STK4: variants seen among roughly 807,000 people sequenced by gnomAD.
The protein encoded by STK4 is serine/threonine kinase 4.
STK4 carries 30 observed loss-of-function variants against 64.9 expected under a neutral mutation model. That is an observed-to-expected ratio of 0.46 (90% CI 0.35 to 0.63). The LOEUF (loss-of-function observed/expected upper bound fraction) is 0.63. STK4 is among the 20% of genes least tolerant of loss of function. The pLI is 0.01. For missense variants in STK4, 466 were observed against 598.5 expected (o/e 0.78, Z 2.31); for synonymous variants, 177 against 199.0 (o/e 0.89, Z 0.93).
intron 4 of STK4, among the ~76,000 whole-genome samples, chr20:44,986,514 T>G (rs2067532785): frequency 6.9e-6 from 1 of 144,834 alleles, no homozygotes; most frequent in Non-Finnish European, 1.5e-5. Flanking sequence ...AGGACTGACT[T>G]TTATTTTAAG....
intron 5 of STK4, among the ~76,000 whole-genome samples, chr20:44,993,033 T>C (rs1329351423): frequency 6.6e-6 from 1 of 152,166 alleles, no homozygotes; most frequent in Non-Finnish European, 1.5e-5. Flanking sequence ...TTGGGCTTTG[T>C]TTTTTATGTT....
At chr20:45,018,560 G>A (rs1000481253) in intron 9 of STK4, among the ~76,000 whole-genome samples, 2 of 152,018 alleles carry the variant, frequency 1.3e-5, no homozygotes, top group Non-Finnish European at 1.5e-5. Flanking sequence ...TTAAGGAAAG[G>A]TGTCTTGCTG....
intron 6 of STK4, 123 bp from the exon 7 acceptor site, chr20:44,997,046 G>C: frequency 2.9e-6 from 4 of 1,386,348 alleles, no homozygotes; most frequent in Non-Finnish European, 4.0e-6. Flanking sequence ...ATTTGGGTGA[G>C]CTTCTCAGTG....
rs1980489804 is a variant in STK4, at chr20:45,076,061, C to T, written c.*885C>T. 6.5e-6 allele frequency: 1 copy of T among 152,686 alleles called. No individual in the cohort carries two copies. The highest frequency in any genetic ancestry group is 1.5e-5 in the Non-Finnish European group (1 of 68,058). The allele number at this position is 152,686 out of a possible 1,614,324, so 9.5% of individuals were successfully genotyped here. On this transcript the variant is annotated 3_prime_UTR_variant, in exon 11 of 11. Transcript: ENST00000372806. This position sits in a 1 kb window ranked among gnomAD's most constrained non-coding sequence, Gnocchi z 4.0. ...ACAAAGGAAAAGCGTTTTTGAAGCTCTCATTGTTCATGTAAAAATCATACA... is the reference window on the plus strand; with the variant it reads ...ACAAAGGAAAAGCGTTTTTGAAGCTTTCATTGTTCATGTAAAAATCATACA...
chr20:44,983,327 G>A (rs571263164), intron 4 of STK4, among the ~76,000 whole-genome samples: 8 of 152,216 alleles, frequency 5.3e-5, no homozygotes, highest in South Asian at 2.1e-4. Context: ...CTGGGGCTGG[G>A]TGTGGTACCT....
chr20:45,003,098 C>G (rs2145701427), intron 9 of STK4, among the ~76,000 whole-genome samples: 1 of 152,182 alleles, frequency 6.6e-6, no homozygotes, highest in Non-Finnish European at 1.5e-5. Flanking sequence ...ACCTTGATCT[C>G]CTGGGCTCAA....
intron 5 of STK4, among the ~76,000 whole-genome samples, 155 bp downstream of exon 5, chr20:44,987,451 G>A (rs990899433): frequency 1.3e-5 from 2 of 152,076 alleles, no homozygotes; most frequent in African/African-American, 2.4e-5. Context: ...CTAGTTAGTG[G>A]GTTATTTTAG....
intron 4 of STK4, 35 bp downstream of exon 4, chr20:44,981,978 G>C (rs2067449144): frequency 7.0e-7 from 1 of 1,422,444 alleles, no homozygotes; most frequent in South Asian, 1.2e-5. Flanking sequence ...AACTGAGCTA[G>C]TTTCTTATGC....
chr20:45,074,964 G>A (rs1331126914), intron 10 of STK4, 54 bp from the exon 11 acceptor site: 55 of 1,608,654 alleles, frequency 3.4e-5, no homozygotes, highest in Non-Finnish European at 4.6e-5. Context: ...CTTCTGCACT[G>A]TTCTGCCACT....
At chr20:45,074,553 T>C (rs1231859928) in intron 10 of STK4, among the ~76,000 whole-genome samples, 5 of 151,866 alleles carry the variant, frequency 3.3e-5, no homozygotes, top group African/African-American at 1.2e-4. Context: ...CATCTGCGCC[T>C]CATCAGCATC....
chr20:44,987,981 AT>A lies in STK4; in HGVS notation c.525+695del, dbSNP rs1012519011. On this transcript the variant is annotated intron_variant, in intron 5 of 10. Coordinates refer to ENST00000372806, the MANE Select transcript of STK4 (RefSeq NM_006282.5). ...TGTTATGTACGGTTTTTTTTTTATTATTTTTTTTTTATTATAAGTCTGCCTG... is the reference window on the plus strand; with the variant it reads ...TGTTATGTACGGTTTTTTTTTTATTATTTTTTTTTATTATAAGTCTGCCTG... 5.8e-3 allele frequency among the ~76,000 whole-genome samples: 850 copies of A among 147,104 alleles called. 4 individuals are homozygous for A. Among genetic ancestry groups the A allele is most frequent in the African/African-American group, 0.019 (758 of 40,074 alleles).
intron 9 of STK4, among the ~76,000 whole-genome samples, chr20:45,014,465 A>G (rs1486919853): frequency 2.0e-5 from 3 of 152,174 alleles, no homozygotes; most frequent in Non-Finnish European, 4.4e-5. Context: ...GATTAATTTT[A>G]TACTTGATGT....
intron 2 of STK4, among the ~76,000 whole-genome samples, chr20:44,977,096 G>A (rs114342519): frequency 0.013 from 1,958 of 152,294 alleles, 41 homozygotes; most frequent in African/African-American, 0.044. Flanking sequence ...TATCTCCTGG[G>A]ACGAAGCACA....
chr20:45,025,282 G>A, intron 10 of STK4, 152 bp downstream of exon 10: 1 of 849,870 alleles, frequency 1.2e-6, no homozygotes, highest in East Asian at 3.1e-5. Context: ...TTTGACTGAT[G>A]TTTGGGCAGT....
intron 1 of STK4, among the ~76,000 whole-genome samples, chr20:44,970,915 G>T (rs999072443): frequency 7.2e-6 from 1 of 138,928 alleles, no homozygotes; most frequent in Non-Finnish European, 1.6e-5. Flanking sequence ...GTGTGTGTAT[G>T]TGTGTGTATT....
chr20:45,006,274 T>TATTTATTC (rs2067943285), intron 9 of STK4, among the ~76,000 whole-genome samples: 1 of 151,732 alleles, frequency 6.6e-6, no homozygotes, highest in Non-Finnish European at 1.5e-5. Flanking sequence ...TTTATTTATT[T>TATTTATTC]ATTTATTCCC....
chr20:45,076,366 A>G lies in STK4; in HGVS notation c.*1190A>G, dbSNP rs1386581060. ...GGGGAATGGCCAAAATCACAAAGCA[A>G]GTTAGCGTTAAGAGCTGAGACTAGA... On this transcript the variant is annotated 3_prime_UTR_variant, in exon 11 of 11. Transcript: ENST00000372806. The surrounding 1 kb of genome is among the most constrained non-coding windows in gnomAD (Gnocchi z 4.0). 1 of 152,390 alleles carries G rather than the reference A, an allele frequency of 6.6e-6. No homozygotes were observed. The highest frequency in any genetic ancestry group is 1.5e-5 in the Non-Finnish European group (1 of 68,176). The allele number at this position is 152,390 out of a possible 1,614,324, so 9.4% of individuals were successfully genotyped here.
intron 6 of STK4, among the ~76,000 whole-genome samples, chr20:44,996,709 G>A (rs992694252): frequency 1.1e-4 from 17 of 152,092 alleles, no homozygotes; most frequent in African/African-American, 4.1e-4. Context: ...TACTTTGGAA[G>A]TTAATGACCC....
intron 1 of STK4, among the ~76,000 whole-genome samples, chr20:44,969,960 A>C (rs868715037): frequency 6.6e-6 from 1 of 152,206 alleles, no homozygotes; most frequent in Non-Finnish European, 1.5e-5. Flanking sequence ...GATTCCCATC[A>C]TTACATTTGT....
Sources: gnomAD v4.1 joint callset for allele counts (sites outside exome capture counted in the v4.1 genomes callset) on GRCh38, gnomAD v4.1.1 for gene constraint, Gnocchi (gnomAD v3.1) non-coding constraint, MANE v1.5 for transcripts, NCBI Gene and HGNC (gene_info 2026-07-23, HGNC 2026-07-21) for gene names.